The following ZMYM2 variants were observed in gnomAD, a reference collection of about 807,000 sequenced individuals.
The protein encoded by ZMYM2 is zinc finger MYM-type containing 2, also known as zinc finger MYM-type protein 2.
ZMYM2 carries 56 observed loss-of-function variants against 162.8 expected under a neutral mutation model. The ratio of observed to expected loss-of-function variants is 0.34; its 90% CI spans 0.28 to 0.43. The LOEUF is 0.43. Ranked by LOEUF, ZMYM2 falls within the 20% of genes least tolerant of loss-of-function variation. The pLI, the probability that ZMYM2 is intolerant of heterozygous loss-of-function variation, is 1.00. For missense variants in ZMYM2, 1,275 were observed against 1,621.8 expected (o/e 0.79, Z 3.67); for synonymous variants, 510 against 541.6 (o/e 0.94, Z 0.81).
intron 19 of ZMYM2, chr13:20,066,547 A>G (rs1956691648): frequency 4.3e-6 from 1 of 232,228 alleles, no homozygotes; most frequent in African/African-American, 2.2e-5. Flanking sequence ...ATGGGAGAGA[A>G]AATATATTTA....
At chr13:19,902,134 C>CA in the ZMYM2 span, among the ~76,000 whole-genome samples, 1 of 151,998 alleles carries the variant, frequency 6.6e-6, no homozygotes, top group Non-Finnish European at 1.5e-5. Context: ...AAGCCAGTCA[C>CA]AAAAAGACAA....
the ZMYM2 span, among the ~76,000 whole-genome samples, chr13:19,935,972 A>G: frequency 3.9e-5 from 6 of 152,196 alleles, no homozygotes; most frequent in African/African-American, 1.4e-4. Context: ...AGAAAACGTT[A>G]TGCTAGTAAT....
intron 3 of ZMYM2, among the ~76,000 whole-genome samples, chr13:19,999,167 G>A (rs1224105273): frequency 6.6e-6 from 1 of 152,146 alleles, no homozygotes; most frequent in Non-Finnish European, 1.5e-5. Context: ...CAGTGGTAGA[G>A]GAATTTGACA....
chr13:19,922,570 T>A, the ZMYM2 span, among the ~76,000 whole-genome samples: 1 of 152,188 alleles, frequency 6.6e-6, no homozygotes, highest in East Asian at 1.9e-4. Flanking sequence ...GTTGGCCGGA[T>A]GTCGTGGCTC....
intron 6 of ZMYM2, among the ~76,000 whole-genome samples, chr13:20,019,116 C>T (rs1172581472): frequency 8.1e-6 from 1 of 123,042 alleles, no homozygotes; most frequent in Admixed American, 8.1e-5. Context: ...CAAAAAAAAA[C>T]AATTTCTCAA....
At chr13:19,951,828 G>A in the ZMYM2 span, among the ~76,000 whole-genome samples, 2 of 152,056 alleles carry the variant, frequency 1.3e-5, no homozygotes, top group African/African-American at 2.4e-5. Flanking sequence ...ACAGTATGAT[G>A]GTTTCTCAAA....
chr13:19,900,799 C>T, the ZMYM2 span, among the ~76,000 whole-genome samples: 86 of 152,076 alleles, frequency 5.7e-4, no homozygotes, highest in South Asian at 2.7e-3. Context: ...TTTGGGAGGC[C>T]GAGGCGGGCA....
intron 21 of ZMYM2, among the ~76,000 whole-genome samples, chr13:20,073,188 G>T (rs1325953828): frequency 6.6e-6 from 1 of 152,206 alleles, no homozygotes; most frequent in Admixed American, 6.5e-5. Context: ...GATTACAGGT[G>T]TGAGCCACCA....
chr13:19,918,352 G>A, the ZMYM2 span, among the ~76,000 whole-genome samples: 12 of 151,734 alleles, frequency 7.9e-5, no homozygotes, highest in Admixed American at 2.6e-4. Flanking sequence ...AGCTGAGGCA[G>A]GAGAATCGCT....
chr13:19,896,629 C>T, the ZMYM2 span, among the ~76,000 whole-genome samples: 6 of 150,690 alleles, frequency 4.0e-5, 1 homozygote, highest in African/African-American at 1.2e-4. Flanking sequence ...TGGTGGAGGG[C>T]GCCTGTAGTC....
At chr13:19,945,728 T>C in the ZMYM2 span, among the ~76,000 whole-genome samples, 2 of 151,826 alleles carry the variant, frequency 1.3e-5, no homozygotes, top group African/African-American at 4.8e-5. Context: ...TATTTAATAA[T>C]TAGAAAAGTT....
intron 2 of ZMYM2, among the ~76,000 whole-genome samples, chr13:19,962,440 T>C (rs1391400236): frequency 2.0e-5 from 3 of 149,160 alleles, no homozygotes; most frequent in Non-Finnish European, 4.4e-5. Context: ...ATTATTAATA[T>C]ATATCATAAT....
intron 9 of ZMYM2, among the ~76,000 whole-genome samples, chr13:20,029,019 A>G (rs959016722): frequency 2.6e-5 from 4 of 152,246 alleles, no homozygotes; most frequent in Non-Finnish European, 1.5e-5. Flanking sequence ...TGAACTTTAT[A>G]TCTTCATTAG....
intron 4 of ZMYM2, among the ~76,000 whole-genome samples, chr13:20,003,672 G>T (rs1178709969): frequency 6.7e-6 from 1 of 148,950 alleles, no homozygotes; most frequent in Non-Finnish European, 1.5e-5. Context: ...TCATTCTGTA[G>T]CCCAGGCTGG....
At chr13:19,884,803 A>T in the ZMYM2 span, among the ~76,000 whole-genome samples, 8 of 152,238 alleles carry the variant, frequency 5.3e-5, no homozygotes, top group African/African-American at 1.9e-4. Context: ...CAAAATCTTC[A>T]ACAAGCCATA....
the ZMYM2 span, among the ~76,000 whole-genome samples, chr13:19,891,610 CA>C: frequency 0.2 from 14,349 of 71,264 alleles, 788 homozygotes; most frequent in Middle Eastern, 0.28. Context: ...ATCACCTTTA[CA>C]AAAAAAAAAA....
chr13:20,047,945 T>G (rs983232056), intron 12 of ZMYM2, among the ~76,000 whole-genome samples: 2 of 152,090 alleles, frequency 1.3e-5, no homozygotes, highest in African/African-American at 4.8e-5. Context: ...TGATAGTTCT[T>G]TTGATCTTTG....
At position 20,083,770 on chromosome 13, in the gene ZMYM2, C is replaced by G. The variant is rs1163956284; in HGVS notation, c.3935C>G (p.Ser1312Cys). The change falls in exon 24 of 25, where the codon TCT becomes TGT. Residue 1312 changes from serine (S) to cysteine (C), a missense_variant. Ser to Cys is a moderately radical substitution (Grantham distance 112). Coordinates refer to ENST00000610343, the MANE Select transcript of ZMYM2 (RefSeq NM_197968.4). ...CPVKMFECYL[S>C]KSPQNLNQRM... ...GTGAAAATGTTTGAATGCTACTTGT[C>G]TAAAAGGTGAGTGTTAATGATACTT... The G allele has an allele frequency of 1.2e-6, 2 of 1,602,846 alleles. No individual in the cohort carries two copies. Among genetic ancestry groups the G allele is most frequent in the Admixed American group, 1.7e-5 (1 of 58,552 alleles).
At chr13:19,906,284 G>GTATATATATATATATATA in the ZMYM2 span, among the ~76,000 whole-genome samples, 3 of 63,790 alleles carry the variant, frequency 4.7e-5, no homozygotes, top group African/African-American at 6.0e-5. Context: ...TCAAAAAAAA[G>GTATATATATATATATATA]TATATATATA....
Sources: allele counts gnomAD v4.1 joint callset (sites outside exome capture counted in the v4.1 genomes callset), GRCh38; gene constraint gnomAD v4.1.1; transcripts MANE v1.5; gene names NCBI Gene and HGNC (gene_info 2026-07-23, HGNC 2026-07-21).